Variants in HSF2BP observed in about 807,000 individuals in gnomAD.
HSF2BP encodes heat shock transcription factor 2 binding protein.
A neutral mutation model predicts 35.0 loss-of-function variants in HSF2BP; 35 were observed. The ratio of observed to expected loss-of-function variants is 1.00; its 90% CI spans 0.76 to 1.32. The LOEUF (loss-of-function observed/expected upper bound fraction) is 1.32, where lower values mean the gene tolerates loss of function less well. Among genes scored for constraint, HSF2BP ranks in the 40% most tolerant of loss-of-function variants. The probability of loss-of-function intolerance (pLI) is 0.00; values close to 1 mark genes in which losing one functional copy is unlikely to be tolerated. For missense variants in HSF2BP, 326 were observed against 321.7 expected, an observed-to-expected ratio of 1.01 and a Z score of -0.10; for synonymous variants, 114 against 117.4, an observed-to-expected ratio of 0.97 and a Z score of 0.18.
At chr21:43,582,165 C>G in intron 8 of HSF2BP, among the ~76,000 whole-genome samples, 1 of 85,220 alleles carries the variant, frequency 1.2e-5, no homozygotes, top group South Asian at 4.7e-4. Flanking sequence ...TGAGGCCCTG[C>G]TGTGGGGGAT....
chr21:43,632,380 CCCCCCCACACACACACACT>C (rs2082488989), intron 5 of HSF2BP, among the ~76,000 whole-genome samples: 1 of 19,950 alleles, frequency 5.0e-5, no homozygotes. Flanking sequence ...ACACACGCTC[CCCCCCCACACACACACACT>C]CCCCCACACA....
chr21:43,573,920 T>C (rs1336033717), intron 8 of HSF2BP, among the ~76,000 whole-genome samples: 1 of 152,182 alleles, frequency 6.6e-6, no homozygotes, highest in East Asian at 1.9e-4. Flanking sequence ...TGCTAAGTCG[T>C]TGGAAACTAG....
chr21:43,593,699 AC>A (rs567469631), intron 7 of HSF2BP, among the ~76,000 whole-genome samples: 2 of 152,152 alleles, frequency 1.3e-5, no homozygotes, highest in Non-Finnish European at 2.9e-5. Context: ...AAAATGTAAA[AC>A]TCAAGGGTAA....
intron 8 of HSF2BP, among the ~76,000 whole-genome samples, chr21:43,584,052 AGGAGATGAAGGGCCTGCTGAG>A (rs1231431204): frequency 3.2e-5 from 4 of 125,798 alleles, no homozygotes; most frequent in East Asian, 2.6e-4. Flanking sequence ...GACCTGCCGA[AGGAGATGAAGGGCCTGCTGAG>A]GGAGATGAAG....
At chr21:43,650,368 G>A (rs566058310) in intron 3 of HSF2BP, among the ~76,000 whole-genome samples, 103 of 152,004 alleles carry the variant, frequency 6.8e-4, no homozygotes, top group Non-Finnish European at 5.6e-4. Flanking sequence ...CACCATGCCC[G>A]GCTAATTTTT....
In HSF2BP at chr21:43,630,313, T is replaced by C. The variant is rs1373467384; in HGVS notation, c.574+9A>G. Reference sequence around the variant, plus strand: ...ACAGGCAACATCTCTCAGGTGCGCCTGCACTTACTCGTGACAATTCCAGCC... The same window carrying C: ...ACAGGCAACATCTCTCAGGTGCGCCCGCACTTACTCGTGACAATTCCAGCC... On this transcript the variant is annotated intron_variant, in intron 6 of 8. Coordinates refer to ENST00000291560, the MANE Select transcript of HSF2BP (RefSeq NM_007031.2). 1 of 1,609,274 alleles carries C rather than the reference T, an allele frequency of 6.2e-7. No individual in the cohort carries two copies. The highest frequency in any genetic ancestry group is 2.2e-5 in the East Asian group (1 of 44,806).
chr21:43,624,466 C>T (rs2082366432), intron 6 of HSF2BP, among the ~76,000 whole-genome samples: 4 of 152,120 alleles, frequency 2.6e-5, no homozygotes, highest in Admixed American at 1.3e-4. Flanking sequence ...GGACATGAGG[C>T]CTCAAGCCCC....
chr21:43,579,266 A>T (rs1601611027), intron 8 of HSF2BP, among the ~76,000 whole-genome samples: 1 of 152,354 alleles, frequency 6.6e-6, no homozygotes, highest in East Asian at 1.9e-4. Context: ...GAGTTAATGA[A>T]GAACATTCGA....
At chr21:43,603,404 CAT>C (rs557623258) in intron 7 of HSF2BP, among the ~76,000 whole-genome samples, 102 of 152,344 alleles carry the variant, frequency 6.7e-4, no homozygotes, top group East Asian at 5.6e-3. Context: ...ACTCCTGACA[CAT>C]GTCATTCCAT....
intron 7 of HSF2BP, among the ~76,000 whole-genome samples, chr21:43,596,902 A>AG (rs1555859826): frequency 0.1 from 5,353 of 52,524 alleles, 449 homozygotes; most frequent in African/African-American, 0.31. Flanking sequence ...AAAAAAAAAA[A>AG]AAAGAGAATT....
intron 7 of HSF2BP, among the ~76,000 whole-genome samples, chr21:43,605,568 C>T (rs1287055226): frequency 1.3e-5 from 2 of 149,550 alleles, no homozygotes; most frequent in East Asian, 4.0e-4. Context: ...ATACACACCA[C>T]AAACATCCCC....
intron 8 of HSF2BP, among the ~76,000 whole-genome samples, chr21:43,585,875 T>G (rs1302197524): frequency 2.0e-5 from 3 of 152,150 alleles, no homozygotes; most frequent in African/African-American, 7.2e-5. Flanking sequence ...GATTAGGGGT[T>G]TAGTCTGAAC....
At chr21:43,620,011 C>T (rs981330494) in intron 6 of HSF2BP, among the ~76,000 whole-genome samples, 2 of 152,150 alleles carry the variant, frequency 1.3e-5, no homozygotes, top group African/African-American at 2.4e-5. Context: ...CCAAGGTAAA[C>T]CTGGGCTTAA....
At chr21:43,644,841 A>G (rs1338161950) in intron 3 of HSF2BP, among the ~76,000 whole-genome samples, 1 of 152,204 alleles carries the variant, frequency 6.6e-6, no homozygotes, top group Non-Finnish European at 1.5e-5. Context: ...GACTGACTCA[A>G]TGGGAACAAC....
chr21:43,650,094 C>A (rs1177577666), intron 3 of HSF2BP, among the ~76,000 whole-genome samples: 1 of 152,226 alleles, frequency 6.6e-6, no homozygotes, highest in African/African-American at 2.4e-5. Context: ...CATCGCACCA[C>A]CTTCATTGTA....
intron 3 of HSF2BP, among the ~76,000 whole-genome samples, chr21:43,647,888 C>T (rs1601724418): frequency 6.9e-6 from 1 of 144,452 alleles, no homozygotes; most frequent in East Asian, 2.0e-4. Context: ...AAGATCACGC[C>T]AGTGCGCTCC....
At position 43,637,863 on chromosome 21, in the gene HSF2BP, T is replaced by A. The variant is rs570555816; in HGVS notation, c.292-4442A>T. On this transcript the variant is annotated intron_variant, in intron 4 of 8. Coordinates refer to ENST00000291560, the MANE Select transcript of HSF2BP (RefSeq NM_007031.2). The stretch of plus-strand genomic sequence containing the variant: ...AGCAAACTAGGAATAGAGGGGAACC[T>A]TCTCAATTTTATAAACGCATCTGCA... Among the ~76,000 whole-genome samples, 336 of 151,250 alleles carry A rather than the reference T, an allele frequency of 2.2e-3. 1 individual carries two copies. The highest frequency in any genetic ancestry group is 3.4e-3 in the Non-Finnish European group (233 of 67,856).
At chr21:43,623,423 CA>C (rs2082353792) in intron 6 of HSF2BP, among the ~76,000 whole-genome samples, 1 of 151,928 alleles carries the variant, frequency 6.6e-6, no homozygotes, top group African/African-American at 2.4e-5. Context: ...AAACTAAACT[CA>C]AAAATACTAG....
intron 5 of HSF2BP, among the ~76,000 whole-genome samples, chr21:43,631,668 A>C (rs1413922322): frequency 6.6e-6 from 1 of 152,110 alleles, no homozygotes; most frequent in African/African-American, 2.4e-5. Context: ...AAGGTCCCAA[A>C]GTCACATCCC....
Sources: allele counts gnomAD v4.1 joint callset (sites outside exome capture counted in the v4.1 genomes callset), GRCh38; gene constraint gnomAD v4.1.1; transcripts MANE v1.5; gene names NCBI Gene and HGNC (gene_info 2026-07-23, HGNC 2026-07-21).